Variants in GEMIN4 observed in about 807,000 individuals in gnomAD.
The protein encoded by GEMIN4 is gem-associated protein 4.
In GEMIN4, 59 loss-of-function variants were observed where a neutral mutation model predicts 76.8. The observed-to-expected ratio is 0.77, with a 90% CI of 0.62 to 0.95. The LOEUF (loss-of-function observed/expected upper bound fraction) is 0.95, where lower values mean the gene tolerates loss of function less well. GEMIN4 is among the 40% of genes least tolerant of loss of function. The pLI, the probability that GEMIN4 is intolerant of heterozygous loss-of-function variation, is 0.00. For missense variants in GEMIN4, 1,311 were observed against 1,318.9 expected, an observed-to-expected ratio of 0.99 and a Z score of 0.09; for synonymous variants, 562 against 559.7, an observed-to-expected ratio of 1.00 and a Z score of -0.06.
In GEMIN4 at chr17:752,220, A is replaced by C. The variant is rs951985681; in HGVS notation, c.-78T>G. On this transcript the variant is annotated 5_prime_UTR_variant, in exon 1 of 2. Coordinates refer to ENST00000319004, the MANE Select transcript of GEMIN4 (RefSeq NM_015721.3). ...TCGAACGCGGCGCGGGACGCACGGC[A>C]CGATGGGAGACGCAGGAGCCACGGC... 8 of 1,229,262 alleles carry C rather than the reference A, an allele frequency of 6.5e-6. No individual in the cohort carries two copies. In the African/African-American group the frequency reaches 1.1e-4, roughly 17 times the overall value. 76.1% of individuals were successfully genotyped at this position (1,229,262 alleles called of 1,614,324 possible). A position where few individuals can be genotyped will look rare whatever the true frequency, so the allele number is the denominator to read the frequency against.
At chr17:752,656 A>G (rs1904814492), upstream of GEMIN4, 3 of 1,014,550 alleles carry the variant, frequency 3.0e-6, no homozygotes, top group Non-Finnish European at 3.5e-6. Flanking sequence ...CCCCCTCCAG[A>G]CAGCAGCGTT....
chr17:746,752 ACTT>A lies in GEMIN4; in HGVS notation c.1288_1290del (p.Lys430del), dbSNP rs761928133. The A allele has an allele frequency of 1.8e-5, 29 of 1,613,544 alleles. No homozygotes were observed. The highest frequency in any genetic ancestry group is 2.3e-5 in the Non-Finnish European group (27 of 1,179,720). On this transcript the variant is annotated inframe_deletion, in exon 2 of 2. Transcript: ENST00000319004. The surrounding 1 kb of genome is among the most constrained non-coding windows in gnomAD (Gnocchi z 4.3). The stretch of plus-strand genomic sequence containing the variant: ...GCTACCCACTCGTCCGAGAAGGCCC[ACTT>A]CTTCTCAGAGGCAAAAATGTAGCAC...
In GEMIN4 at chr17:747,033, C is replaced by T. The variant is rs1385905726; in HGVS notation, c.1010G>A (p.Ser337Asn). 2 of 1,613,406 alleles carry T rather than the reference C, an allele frequency of 1.2e-6. No individual in the cohort carries two copies. The highest frequency in any genetic ancestry group is 1.1e-5 in the South Asian group (1 of 91,080). The change falls in exon 2 of 2, where the codon AGC (serine) becomes AAC (asparagine). Residue 337 changes from serine (S) to asparagine (N), a missense_variant. Physicochemically the swap from Ser to Asn is conservative, Grantham distance 46. Around this residue, in one of 2 missense-constraint regions of GEMIN4, gnomAD observed 1,208 missense variants for 1,166.9 expected, o/e 1.04. Coordinates refer to ENST00000319004, the MANE Select transcript of GEMIN4 (RefSeq NM_015721.3). ...GCTGTCGTAACTTGTCCCCTGGCTGCTGCGGAGCACGGCCTGCAACTCCTC... is the reference window on the plus strand; with the variant it reads ...GCTGTCGTAACTTGTCCCCTGGCTGTTGCGGAGCACGGCCTGCAACTCCTC... ...WGEELQAVLR[S>N]SQGTSYDSYR...
chr17:751,842 C>T (rs1011000974), intron 1 of GEMIN4: 3 of 367,714 alleles, frequency 8.2e-6, no homozygotes, highest in Admixed American at 4.6e-5. Context: ...GAGCCCGTTT[C>T]CCAAAGCACG....
In GEMIN4 at chr17:749,975, C is replaced by T. The variant is rs905760874; in HGVS notation, c.11-1943G>A. The T allele has an allele frequency of 4.1e-6, 4 of 985,382 alleles. No homozygotes were observed. The African/African-American group carries it at 7.0e-5, about 17-fold the overall frequency. The allele number at this position is 985,382 out of a possible 1,614,324, so 61.0% of individuals were successfully genotyped here. A position where few individuals can be genotyped will look rare whatever the true frequency, so the allele number is the denominator to read the frequency against. On this transcript the variant is annotated intron_variant, in intron 1 of 1. Transcript: ENST00000319004. Reference sequence around the variant, plus strand: ...CTAGATTAAGCCTTCCTTCAGGGAACTAACGATTGACACAGACTTACCATG... The same window carrying T: ...CTAGATTAAGCCTTCCTTCAGGGAATTAACGATTGACACAGACTTACCATG...
chr17:753,851 C>A, upstream of GEMIN4: 1 of 152,432 alleles, frequency 6.6e-6, no homozygotes. Context: ...CCCCTTATCT[C>A]TTCAAGGCTG....
Position 745,597 on chromosome 17 carries a change from G to GGAGCCCCGTGC in GEMIN4, c.2435_2445dup (p.Leu816AlafsTer64). 3 of 1,610,194 alleles carry GGAGCCCCGTGC rather than the reference G, an allele frequency of 1.9e-6. No homozygotes were observed. Among genetic ancestry groups the GGAGCCCCGTGC allele is most frequent in the Non-Finnish European group, 2.5e-6 (3 of 1,178,788 alleles). On this transcript the variant is annotated frameshift_variant, in exon 2 of 2. Coordinates refer to ENST00000319004, the MANE Select transcript of GEMIN4 (RefSeq NM_015721.3). LOFTEE classifies it high-confidence loss of function. The surrounding 1 kb of genome is among the most constrained non-coding windows in gnomAD (Gnocchi z 4.6). ...ACGCAGCAGCACTCCATCCAGGCCA[G>GGAGCCCCGTGC]GAGCCCCGTGCCAGCCCCGTACCCT...
chr17:752,885 T>C (rs1480256658), upstream of GEMIN4: 1 of 153,570 alleles, frequency 6.5e-6, no homozygotes, highest in African/African-American at 2.4e-5. Context: ...CACCACCCCA[T>C]GTGCCAAGTG....
chr17:745,910 G>A lies in GEMIN4; in HGVS notation c.2133C>T (p.Tyr711=), dbSNP rs367588554. 3.1e-6 allele frequency: 5 copies of A among 1,613,046 alleles called. No homozygotes were observed. In the African/African-American group the frequency reaches 6.7e-5, roughly 22 times the overall value. Residue 711 remains tyrosine, a synonymous_variant, in exon 2 of 2, where the codon TAC becomes TAT. Coordinates refer to ENST00000319004, the MANE Select transcript of GEMIN4 (RefSeq NM_015721.3). The surrounding 1 kb of genome is among the most constrained non-coding windows in gnomAD (Gnocchi z 4.6). ...ACCGCTTCTCCTTGGGAAGCTGCCA[G>A]TATTTGCTGAAGCGGTCCAAGAGCT... The part of the protein sequence containing the change: ...LCQLLDRFSK[Y]WQLPKEKRCL...
chr17:750,227 A>G (rs1281941323), intron 1 of GEMIN4, among the ~76,000 whole-genome samples: 3 of 151,792 alleles, frequency 2.0e-5, no homozygotes, highest in Non-Finnish European at 2.9e-5. Flanking sequence ...TCTTGGTCAG[A>G]TTGCTTCTCC....
Position 751,043 on chromosome 17 carries a change from A to G in GEMIN4, c.10+1090T>C, listed in dbSNP as rs544364158. Among the ~76,000 whole-genome samples, 16 of 152,324 alleles carry G rather than the reference A, an allele frequency of 1.1e-4. No individual in the cohort carries two copies. The South Asian group carries it at 3.3e-3, about 32-fold the overall frequency. ...TGCCTTCCAGGCGCATTAAGTACGCACAGTTTGAAGTAGTAAGTCCCAGGG... is the reference window on the plus strand; with the variant it reads ...TGCCTTCCAGGCGCATTAAGTACGCGCAGTTTGAAGTAGTAAGTCCCAGGG... On this transcript the variant is annotated intron_variant, in intron 1 of 1. Transcript: ENST00000319004.
At position 747,120 on chromosome 17, in the gene GEMIN4, A is replaced by G; in HGVS notation, c.923T>C (p.Leu308Pro). The G allele has an allele frequency of 1.2e-6, 2 of 1,613,590 alleles. No individual in the cohort carries two copies. Among genetic ancestry groups the G allele is most frequent in the Middle Eastern group, 3.3e-4 (2 of 6,062 alleles). ...GCCCACGAAAATGGTCTCACTGGGG[A>G]GTTTGGCCAGCGAGGTCAGGCTGAC... is the stretch of plus-strand genomic sequence containing the variant. ...RDVSLTSLAK[L>P]PSETIFVGCE... The change falls in exon 2 of 2, where the codon CTC becomes CCC. Residue 308 changes from leucine (L) to proline (P), a missense_variant. Leu to Pro is a moderately conservative substitution (Grantham distance 98, BLOSUM62 -3). This residue lies in a region of GEMIN4 where 1,208 missense variants were observed against 1,166.9 expected (regional missense o/e 1.04). Transcript: ENST00000319004.
upstream of GEMIN4, chr17:752,551 C>G: frequency 3.4e-6 from 2 of 594,540 alleles, no homozygotes; most frequent in Non-Finnish European, 4.5e-6. Flanking sequence ...CCCCGGGACG[C>G]CCACCACCCA....
chr17:750,651 C>T (rs974018935), intron 1 of GEMIN4, among the ~76,000 whole-genome samples: 2 of 152,216 alleles, frequency 1.3e-5, no homozygotes, highest in Admixed American at 6.5e-5. Flanking sequence ...GCTACTCCTT[C>T]CTCAGTCTGT....
chr17:748,909 TCA>T (rs934261525), intron 1 of GEMIN4: 2 of 161,534 alleles, frequency 1.2e-5, no homozygotes, highest in African/African-American at 6.3e-5. Context: ...CACAGAGCAA[TCA>T]CACAGCCACA....
In GEMIN4 at chr17:746,604, A is replaced by G; in HGVS notation, c.1439T>C (p.Ile480Thr). 2 of 1,613,600 alleles carry G rather than the reference A, an allele frequency of 1.2e-6. No homozygotes were observed. The highest frequency in any genetic ancestry group is 1.7e-6 in the Non-Finnish European group (2 of 1,179,876). ...TGCGTAACATTCCAGGATCAGGTGGATCACCTGCCGGATCTGAGACTCAGG... is the reference window on the plus strand; with the variant it reads ...TGCGTAACATTCCAGGATCAGGTGGGTCACCTGCCGGATCTGAGACTCAGG... ...AIPESQIRQV[I>T]HLILECYADL... Residue 480 changes from isoleucine (I) to threonine (T), a missense_variant, in exon 2 of 2, where the codon ATC (isoleucine) becomes ACC (threonine). By Grantham distance (89) the Ile-to-Thr change is moderately conservative (BLOSUM62 -1). Coordinates refer to ENST00000319004, the MANE Select transcript of GEMIN4 (RefSeq NM_015721.3). The surrounding 1 kb of genome is among the most constrained non-coding windows in gnomAD (Gnocchi z 4.3).
upstream of GEMIN4, chr17:752,314 C>T: frequency 8.2e-7 from 1 of 1,222,574 alleles, no homozygotes; most frequent in Non-Finnish European, 1.0e-6. Context: ...CACGCGCAGT[C>T]CTCACGAACG....
At position 747,528 on chromosome 17, in the gene GEMIN4, C is replaced by T; in HGVS notation, c.515G>A (p.Gly172Asp). Residue 172 changes from glycine (G) to aspartate (D), a missense_variant, in exon 2 of 2, where the codon GGT (glycine) becomes GAT (aspartate). Gly to Asp is a moderately conservative substitution (Grantham distance 94, BLOSUM62 -1). Around this residue, in one of 2 missense-constraint regions of GEMIN4, gnomAD observed 1,208 missense variants for 1,166.9 expected, o/e 1.04. Coordinates refer to ENST00000319004, the MANE Select transcript of GEMIN4 (RefSeq NM_015721.3). ...DVWWEVMKHK[G>D]HPQDPLLSQF... is the part of the protein sequence containing the mutation. ...GGAGAGCAGGGGGTCCTGCGGGTGA[C>T]CCTTGTGCTTCATCACCTCCCACCA... The T allele has an allele frequency of 6.2e-7, 1 of 1,613,782 alleles. No homozygotes were observed. Among genetic ancestry groups the T allele is most frequent in the East Asian group, 2.2e-5 (1 of 44,862 alleles).
At chr17:751,841 TC>T (rs1468387157) in intron 1 of GEMIN4, 4 of 366,870 alleles carry the variant, frequency 1.1e-5, no homozygotes, top group African/African-American at 2.1e-5. Context: ...GGAGCCCGTT[TC>T]CCAAAGCACG....
Sources: allele counts gnomAD v4.1 joint callset (sites outside exome capture counted in the v4.1 genomes callset), GRCh38; gene constraint gnomAD v4.1.1; regional missense constraint gnomAD v4.1.1; non-coding constraint Gnocchi (gnomAD v3.1); transcripts MANE v1.5; gene names NCBI Gene and HGNC (gene_info 2026-07-23, HGNC 2026-07-21).